Variants in ST6GALNAC3 observed in about 807,000 individuals in gnomAD.
The protein encoded by ST6GALNAC3 is alpha-N-acetylgalactosaminide alpha-2,6-sialyltransferase 3.
A neutral mutation model predicts 32.7 loss-of-function variants in ST6GALNAC3; 25 were observed. That is an observed-to-expected ratio of 0.76 (90% CI 0.56 to 1.07). The LOEUF (loss-of-function observed/expected upper bound fraction) is 1.07. Ranked by LOEUF, ST6GALNAC3 falls within the 50% of genes least tolerant of loss-of-function variation. ST6GALNAC3 has a pLI of 0.00. For missense variants in ST6GALNAC3, 355 were observed against 382.4 expected, an observed-to-expected ratio of 0.93 and a Z score of 0.60; for synonymous variants, 129 against 133.1, an observed-to-expected ratio of 0.97 and a Z score of 0.21.
intron 1 of ST6GALNAC3, among the ~76,000 whole-genome samples, chr1:76,239,249 G>C (rs1302188833): frequency 1.3e-5 from 2 of 152,034 alleles, no homozygotes; most frequent in Non-Finnish European, 2.9e-5. Context: ...CCTAGTTTTT[G>C]AATATATGGC....
At chr1:76,494,758 C>CAA (rs1308520741) in intron 3 of ST6GALNAC3, among the ~76,000 whole-genome samples, 1 of 151,312 alleles carries the variant, frequency 6.6e-6, no homozygotes, top group Admixed American at 6.6e-5. Flanking sequence ...CACACACACA[C>CAA]ACACACACAC....
intron 3 of ST6GALNAC3, among the ~76,000 whole-genome samples, chr1:76,586,967 T>C (rs1646971013): frequency 6.6e-6 from 1 of 152,184 alleles, no homozygotes; most frequent in South Asian, 2.1e-4. Flanking sequence ...ACTAATAGAA[T>C]TTTTGCATTT....
chr1:76,265,781 C>T lies in ST6GALNAC3; in HGVS notation c.19-48024C>T, dbSNP rs575399331. 1.1e-4 allele frequency among the ~76,000 whole-genome samples: 16 copies of T among 152,230 alleles called. No homozygotes were observed. In the South Asian group the frequency reaches 2.9e-3, roughly 28 times the overall value. On this transcript the variant is annotated intron_variant, in intron 1 of 4. Coordinates refer to ENST00000328299, the MANE Select transcript of ST6GALNAC3 (RefSeq NM_152996.4). ...AAAATCTCAAGCTTAGGGTCTAGAACGTAGTATTTTTTCATAAATGTAAGT... is the reference window on the plus strand; with the variant it reads ...AAAATCTCAAGCTTAGGGTCTAGAATGTAGTATTTTTTCATAAATGTAAGT...
chr1:76,352,881 C>T (rs1649110560), intron 2 of ST6GALNAC3, among the ~76,000 whole-genome samples: 1 of 152,142 alleles, frequency 6.6e-6, no homozygotes, highest in African/African-American at 2.4e-5. Flanking sequence ...CTGCCTTCCT[C>T]CACATTCCAT....
intron 1 of ST6GALNAC3, among the ~76,000 whole-genome samples, chr1:76,213,812 C>T (rs536579102): frequency 1.3e-5 from 2 of 152,246 alleles, no homozygotes; most frequent in South Asian, 4.1e-4. Flanking sequence ...CCACCATCAT[C>T]TGATTAAGGG....
chr1:76,602,975 T>G (rs1274755411), intron 3 of ST6GALNAC3, among the ~76,000 whole-genome samples: 1 of 152,116 alleles, frequency 6.6e-6, no homozygotes, highest in African/African-American at 2.4e-5. Context: ...AATAAACATC[T>G]GAAAAGATTA....
rs146281478 is a variant in ST6GALNAC3 at position 76,109,718 on chromosome 1, C to T, written c.18+34834C>T. ...TGCCTGCCAGGGCACCACACAAGAG[C>T]TCGGGCTTACAGGCACACTTTGGGT... On this transcript the variant is annotated intron_variant, in intron 1 of 4. Coordinates refer to ENST00000328299, the MANE Select transcript of ST6GALNAC3 (RefSeq NM_152996.4). Among the ~76,000 whole-genome samples the T allele has an allele frequency of 3.4e-3, 515 of 152,358 alleles. 1 individual carries two copies. Among genetic ancestry groups the T allele is most frequent in the Middle Eastern group, 0.024 (7 of 294 alleles).
At chr1:76,280,167 C>T (rs1659417937) in intron 1 of ST6GALNAC3, among the ~76,000 whole-genome samples, 1 of 152,034 alleles carries the variant, frequency 6.6e-6, no homozygotes, top group South Asian at 2.1e-4. Context: ...CCCTTTTTTC[C>T]AACCCACCCT....
intron 3 of ST6GALNAC3, among the ~76,000 whole-genome samples, chr1:76,463,275 C>T (rs556593740): frequency 1.1e-4 from 17 of 152,162 alleles, no homozygotes; most frequent in South Asian, 1.0e-3. Context: ...AGGTAAATTG[C>T]GGGGGCTACA....
intron 1 of ST6GALNAC3, among the ~76,000 whole-genome samples, chr1:76,252,183 G>A (rs1411394809): frequency 2.0e-5 from 3 of 152,118 alleles, no homozygotes; most frequent in South Asian, 2.1e-4. Flanking sequence ...CCCTGTATAC[G>A]ATGTTCGTTT....
At chr1:76,522,348 A>T (rs548211115) in intron 3 of ST6GALNAC3, among the ~76,000 whole-genome samples, 2 of 151,758 alleles carry the variant, frequency 1.3e-5, no homozygotes, top group Admixed American at 6.6e-5. Flanking sequence ...CAATTTGGAA[A>T]TTTTTTTTGC....
chr1:76,454,615 T>A (rs2101568853), intron 3 of ST6GALNAC3, among the ~76,000 whole-genome samples: 1 of 152,272 alleles, frequency 6.6e-6, no homozygotes, highest in East Asian at 1.9e-4. Context: ...AGGGCCCAAA[T>A]CCCTTCTAGC....
intron 2 of ST6GALNAC3, among the ~76,000 whole-genome samples, chr1:76,390,537 T>C (rs1445875480): frequency 6.6e-6 from 1 of 152,186 alleles, no homozygotes; most frequent in African/African-American, 2.4e-5. Flanking sequence ...GTGCAGCATA[T>C]ATTCAGCTTT....
intron 3 of ST6GALNAC3, among the ~76,000 whole-genome samples, chr1:76,513,090 C>G (rs1661969346): frequency 6.6e-6 from 1 of 152,008 alleles, no homozygotes; most frequent in African/African-American, 2.4e-5. Context: ...GTTGTCTCTT[C>G]TCTTTGTTAA....
At chr1:76,548,898 G>A (rs914889807) in intron 3 of ST6GALNAC3, among the ~76,000 whole-genome samples, 1 of 152,024 alleles carries the variant, frequency 6.6e-6, no homozygotes, top group African/African-American at 2.4e-5. Context: ...TGGCTCTGCC[G>A]CCACTGTATC....
Position 76,632,187 on chromosome 1 carries a change from G to A in ST6GALNAC3, c.*3381G>A, listed in dbSNP as rs967605550. The stretch of plus-strand genomic sequence containing the variant: ...TTTAGACTTCATCTGAAATTCGTTG[G>A]GTTACATTTTGAATCCTGATGAAAA... On this transcript the variant is annotated 3_prime_UTR_variant, in exon 5 of 5. Transcript: ENST00000328299. The A allele has an allele frequency of 6.6e-6, 1 of 151,934 alleles. No homozygotes were observed. The highest frequency in any genetic ancestry group is 1.5e-5 in the Non-Finnish European group (1 of 67,980). 9.4% of individuals were successfully genotyped at this position (151,934 alleles called of 1,614,324 possible). A position where few individuals can be genotyped will look rare whatever the true frequency, so the allele number is the denominator to read the frequency against.
At chr1:76,419,287 A>G (rs1405310676) in intron 3 of ST6GALNAC3, among the ~76,000 whole-genome samples, 1 of 152,132 alleles carries the variant, frequency 6.6e-6, no homozygotes, top group Non-Finnish European at 1.5e-5. Context: ...CTCAGAAAAA[A>G]TTATACTGTA....
intron 2 of ST6GALNAC3, among the ~76,000 whole-genome samples, chr1:76,391,030 C>T (rs1397914681): frequency 6.6e-6 from 1 of 150,616 alleles, no homozygotes; most frequent in Non-Finnish European, 1.5e-5. Context: ...CGCTCCACCT[C>T]CCAGGATCAC....
At chr1:76,441,304 C>A (rs903568264) in intron 3 of ST6GALNAC3, among the ~76,000 whole-genome samples, 2 of 151,900 alleles carry the variant, frequency 1.3e-5, no homozygotes, top group Non-Finnish European at 2.9e-5. Context: ...CCTACATTAT[C>A]TCATTTTGTC....
Sources: gnomAD v4.1 joint callset for allele counts (sites outside exome capture counted in the v4.1 genomes callset) on GRCh38, gnomAD v4.1.1 for gene constraint, MANE v1.5 for transcripts, NCBI Gene and HGNC (gene_info 2026-07-23, HGNC 2026-07-21) for gene names.